The following IVD variants were observed in gnomAD, a reference collection of about 807,000 sequenced individuals.
The protein encoded by IVD is isovaleryl-CoA dehydrogenase, mitochondrial.
IVD carries 31 observed loss-of-function variants against 51.3 expected under a neutral mutation model. The ratio of observed to expected loss-of-function variants is 0.60; its 90% CI spans 0.45 to 0.81. The LOEUF (loss-of-function observed/expected upper bound fraction) is 0.81. Ranked by LOEUF, IVD falls within the 40% of genes least tolerant of loss-of-function variation. The pLI, the probability that IVD is intolerant of heterozygous loss-of-function variation, is 0.00. For missense variants in IVD, 475 were observed against 552.0 expected, an observed-to-expected ratio of 0.86 and a Z score of 1.40; for synonymous variants, 205 against 219.4, an observed-to-expected ratio of 0.93 and a Z score of 0.58.
chr15:40,406,108 CGCGGGG>C, intron 1 of IVD, 137 bp downstream of exon 1: 1 of 1,539,966 alleles, frequency 6.5e-7, no homozygotes, highest in South Asian at 1.2e-5. Flanking sequence ...GGAGCGCCAG[CGCGGGG>C]GCGGGACGCG....
Position 40,410,521 on chromosome 15 carries a change from G to C in IVD, c.287-107G>C, listed in dbSNP as rs1595767512. On this transcript the variant is annotated intron_variant, in intron 3 of 11. Transcript: ENST00000487418. ...TTGTTGCTAGAGAGAATTTGGAGTA[G>C]GTGCTACAAGGTGCTTCCCTTCTGC... The C allele has an allele frequency of 7.3e-5, 92 of 1,251,754 alleles. 1 individual carries two copies. In the South Asian group the frequency reaches 1.0e-3, roughly 14 times the overall value. The allele number at this position is 1,251,754 out of a possible 1,614,324, so 77.5% of individuals were successfully genotyped here.
At chr15:40,411,832 A>G in intron 6 of IVD, 141 bp downstream of exon 6, 1 of 1,040,666 alleles carries the variant, frequency 9.6e-7, no homozygotes, top group Non-Finnish European at 1.4e-6. Flanking sequence ...CAGAGAGCAG[A>G]CTGCAAGGAG....
intron 1 of IVD, among the ~76,000 whole-genome samples, chr15:40,406,631 A>T (rs1259353249): frequency 1.3e-5 from 2 of 152,114 alleles, no homozygotes; most frequent in African/African-American, 2.4e-5. Flanking sequence ...CCCATCTCAT[A>T]AAAAATAGAA....
At position 40,416,141 on chromosome 15, in the gene IVD, A is replaced by G. The variant is rs1891649200; in HGVS notation, c.1024A>G (p.Asn342Asp). The change falls in exon 10 of 12, where the codon AAT becomes GAT. Residue 342 changes from asparagine (N) to aspartate (D), a missense_variant. Coordinates refer to ENST00000487418, the MANE Select transcript of IVD (RefSeq NM_002225.5). ...RLMACRQYVY[N>D]VAKACDEGHC... ...CATGGCGTGTCGGCAGTATGTCTAC[A>G]ATGTCGCCAAGGCCTGCGATGAGGG... is the stretch of plus-strand genomic sequence containing the variant. 2 of 1,614,242 alleles carry G rather than the reference A, an allele frequency of 1.2e-6. No homozygotes were observed. Among genetic ancestry groups the G allele is most frequent in the East Asian group, 4.5e-5 (2 of 44,880 alleles).
downstream of IVD, among the ~76,000 whole-genome samples, chr15:40,422,682 C>G (rs1892415443): frequency 6.9e-6 from 1 of 145,508 alleles, no homozygotes; most frequent in African/African-American, 2.6e-5. Flanking sequence ...TCACTGCAAC[C>G]TCCACATCTA....
At chr15:40,415,005 A>C in intron 8 of IVD, 23 bp downstream of exon 8, 1 of 1,612,594 alleles carries the variant, frequency 6.2e-7, no homozygotes, top group Non-Finnish European at 8.5e-7. Flanking sequence ...GGCTTGAGGG[A>C]AGCTGGGCTC....
In IVD at chr15:40,420,873, G is replaced by A; in HGVS notation, c.*2610G>A. The stretch of plus-strand genomic sequence containing the variant: ...GTGATCTGAGAAGGGAATGGGTCTG[G>A]GTTGTTCCACCCCTTCCGAGTTCCA... On this transcript the variant is annotated 3_prime_UTR_variant, in exon 12 of 12. Transcript: ENST00000487418. 1 of 985,522 alleles carries A rather than the reference G, an allele frequency of 1.0e-6. No homozygotes were observed. 61.0% of individuals were successfully genotyped at this position (985,522 alleles called of 1,614,324 possible).
At position 40,411,327 on chromosome 15, in the gene IVD, C is replaced by T. The variant is rs1399107319; in HGVS notation, c.524C>T (p.Ser175Phe). ...SEPNAGSDVV[S>F]MKLKAEKKGN... The stretch of plus-strand genomic sequence containing the variant: ...CCCAATGCAGGCTCTGATGTTGTCT[C>T]TATGAAGCTCAAAGCGGAAAAGAAA... Residue 175 changes from serine to phenylalanine, a missense_variant, in exon 5 of 12, where the codon TCT (serine) becomes TTT (phenylalanine). Ser to Phe is a radical substitution (Grantham distance 155). Transcript: ENST00000487418. 17 of 1,614,148 alleles carry T rather than the reference C, an allele frequency of 1.1e-5. No individual in the cohort carries two copies. Among genetic ancestry groups the T allele is most frequent in the Non-Finnish European group, 1.3e-5 (15 of 1,180,032 alleles).
chr15:40,406,385 A>T (rs1418046637), intron 1 of IVD: 1 of 1,268,876 alleles, frequency 7.9e-7, no homozygotes, highest in East Asian at 5.3e-5. Context: ...CATCGTAATC[A>T]CCAGGGAGTC....
intron 3 of IVD, among the ~76,000 whole-genome samples, chr15:40,409,835 CTTTTTTTTTT>C (rs11365500): frequency 7.6e-6 from 1 of 131,724 alleles, no homozygotes; most frequent in East Asian, 2.4e-4. Context: ...CTGCTTCTTT[CTTTTTTTTTT>C]TTTTTTTTTG....
chr15:40,430,561 A>G (rs1892914831), intron 7 of IVD, among the ~76,000 whole-genome samples: 1 of 152,204 alleles, frequency 6.6e-6, no homozygotes, highest in Admixed American at 6.5e-5. Flanking sequence ...GGCAGAGTGG[A>G]TGCGGGAGGC....
rs886051136 is a variant in IVD at position 40,420,565 on chromosome 15, G to T, written c.*2302G>T. 1.0e-6 allele frequency: 1 copy of T among 987,436 alleles called. No homozygotes were observed. Among genetic ancestry groups the T allele is most frequent in the African/African-American group, 1.7e-5 (1 of 57,292 alleles). The allele number at this position is 987,436 out of a possible 1,614,324, so 61.2% of individuals were successfully genotyped here. ...TCCTCCAGCCCGTTCTTTCATGAGG[G>T]ACAGGAAGGTAAAATCAGCCCTTAG... is the stretch of plus-strand genomic sequence containing the variant. On this transcript the variant is annotated 3_prime_UTR_variant, in exon 12 of 12. Transcript: ENST00000487418.
chr15:40,415,509 T>A (rs770558545), intron 9 of IVD, 27 bp downstream of exon 9: 2 of 1,597,306 alleles, frequency 1.3e-6, no homozygotes, highest in Non-Finnish European at 1.7e-6. Context: ...TGCTGACATG[T>A]ACTCTTCAAC....
At chr15:40,406,411 GT>G in intron 1 of IVD, 1 of 1,171,154 alleles carries the variant, frequency 8.5e-7, no homozygotes, top group Non-Finnish European at 1.1e-6. Context: ...TGTATAAACA[GT>G]TTGGGGGTTT....
chr15:40,418,219 A>G lies in IVD; in HGVS notation c.1228A>G (p.Arg410Gly). 6.2e-7 allele frequency: 1 copy of G among 1,614,206 alleles called. No homozygotes were observed. The highest frequency in any genetic ancestry group is 1.1e-5 in the South Asian group (1 of 91,080). Residue 410 changes from arginine to glycine, a missense_variant, in exon 12 of 12, where the codon AGG (arginine) becomes GGG (glycine). Coordinates refer to ENST00000487418, the MANE Select transcript of IVD (RefSeq NM_002225.5). ...GATAGGGGCTGGGACCAGCGAGGTG[A>G]GGCGGCTGGTCATCGGCAGAGCCTT... ...YEIGAGTSEVRRLVIGRAFNA... is the reference protein window; with the variant it reads ...YEIGAGTSEVGRLVIGRAFNA...
Position 40,420,153 on chromosome 15 carries a change from G to T in IVD, c.*1890G>T. ...CACACATGCTGCTGAGTCCGCAGGGGGGGCAGAGCAGAGGACAGCGTGCTT... is the reference window on the plus strand; with the variant it reads ...CACACATGCTGCTGAGTCCGCAGGGTGGGCAGAGCAGAGGACAGCGTGCTT... On this transcript the variant is annotated 3_prime_UTR_variant, in exon 12 of 12. Transcript: ENST00000487418. 1.0e-6 allele frequency: 1 copy of T among 985,668 alleles called. No individual in the cohort carries two copies. Among genetic ancestry groups the T allele is most frequent in the Non-Finnish European group, 1.2e-6 (1 of 830,134 alleles). 61.1% of individuals were successfully genotyped at this position (985,668 alleles called of 1,614,324 possible).
chr15:40,420,743 T>C lies in IVD; in HGVS notation c.*2480T>C. 2 of 985,786 alleles carry C rather than the reference T, an allele frequency of 2.0e-6. No individual in the cohort carries two copies. The highest frequency in any genetic ancestry group is 1.2e-6 in the Non-Finnish European group (1 of 830,106). The allele number at this position is 985,786 out of a possible 1,614,324, so 61.1% of individuals were successfully genotyped here. ...TAAAAAGATCAACACAATTTGACTT[T>C]CTCAAGGTCAAAACGAACTAGAATC... On this transcript the variant is annotated 3_prime_UTR_variant, in exon 12 of 12. Transcript: ENST00000487418.
chr15:40,412,714 G>A lies in IVD; in HGVS notation c.688-277G>A, dbSNP rs1451694697. ...CCTGGGGGAGGGAAATAAGGCCAGG[G>A]GGGTCGGGAGGGCTCAGGGAACTGA... is the stretch of plus-strand genomic sequence containing the variant. On this transcript the variant is annotated intron_variant, in intron 6 of 11. Coordinates refer to ENST00000487418, the MANE Select transcript of IVD (RefSeq NM_002225.5). The A allele has an allele frequency of 1.8e-5, 8 of 442,730 alleles. No homozygotes were observed. The East Asian group carries it at 3.2e-4, about 18-fold the overall frequency. 27.4% of individuals were successfully genotyped at this position (442,730 alleles called of 1,614,324 possible). A position where few individuals can be genotyped will look rare whatever the true frequency, so the allele number is the denominator to read the frequency against.
intron 7 of IVD, among the ~76,000 whole-genome samples, chr15:40,431,291 C>T (rs1892960358): frequency 1.3e-5 from 2 of 152,044 alleles, no homozygotes; most frequent in Admixed American, 6.6e-5. Flanking sequence ...GCCGGCTCCA[C>T]TATTATTAAT....
Sources: gnomAD v4.1 joint callset for allele counts (sites outside exome capture counted in the v4.1 genomes callset) on GRCh38, gnomAD v4.1.1 for gene constraint, MANE v1.5 for transcripts, NCBI Gene and HGNC (gene_info 2026-07-23, HGNC 2026-07-21) for gene names.